Variants in HEBP1 observed in about 807,000 individuals in gnomAD.
HEBP1 encodes the protein heme-binding protein 1.
In HEBP1, 13 loss-of-function variants were observed where a neutral mutation model predicts 20.4. The observed-to-expected ratio is 0.64, with a 90% CI of 0.42 to 1.01. The LOEUF (loss-of-function observed/expected upper bound fraction) is 1.01. Among genes scored for constraint, HEBP1 ranks in the 50% least tolerant of loss-of-function variants. HEBP1 has a pLI of 0.00. For missense variants in HEBP1, 241 were observed against 247.3 expected (o/e 0.97, Z 0.17); for synonymous variants, 92 against 90.7 (o/e 1.01, Z -0.08).
chr12:12,975,136 G>T lies in HEBP1; in HGVS notation c.*172C>A. 1.7e-6 allele frequency: 1 copy of T among 572,284 alleles called. No homozygotes were observed. The highest frequency in any genetic ancestry group is 3.1e-6 in the Non-Finnish European group (1 of 326,102). The allele number at this position is 572,284 out of a possible 1,614,324, so 35.5% of individuals were successfully genotyped here. A position where few individuals can be genotyped will look rare whatever the true frequency, so the allele number is the denominator to read the frequency against. ...TATTATTTCCTACTGTGAGAAAAGA[G>T]ACTTAGTATATGGAACATGCTTTTT... On this transcript the variant is annotated 3_prime_UTR_variant, in exon 4 of 4. Coordinates refer to ENST00000014930, the MANE Select transcript of HEBP1 (RefSeq NM_015987.5).
Position 12,989,294 on chromosome 12 carries a change from C to T in HEBP1, c.200G>A (p.Gly67Glu). 1 of 1,614,128 alleles carries T rather than the reference C, an allele frequency of 6.2e-7. No individual in the cohort carries two copies. Among genetic ancestry groups the T allele is most frequent in the Non-Finnish European group, 8.5e-7 (1 of 1,180,026 alleles). Residue 67 changes from glycine to glutamate, a missense_variant, in exon 2 of 4, where the codon GGG becomes GAG. Physicochemically the swap from Gly to Glu is moderately conservative, Grantham distance 98. Transcript: ENST00000014930. ...GTACTCACCCTTGTCATTGGTGCCCCCCGCATACTTTGCGACCTTGGGCAT... is the reference window on the plus strand; with the variant it reads ...GTACTCACCCTTGTCATTGGTGCCCTCCGCATACTTTGCGACCTTGGGCAT... ...EAMPKVAKYA[G>E]GTNDKGIGMG... is the part of the protein sequence containing the mutation.
intron 1 of HEBP1, among the ~76,000 whole-genome samples, chr12:12,993,166 C>G (rs958580105): frequency 1.1e-5 from 1 of 90,740 alleles, no homozygotes; most frequent in Non-Finnish European, 1.9e-5. Flanking sequence ...TTCCTTCCTT[C>G]CTCTCTCTCT....
chr12:12,983,132 G>A lies in HEBP1; in HGVS notation c.398+4020C>T, dbSNP rs118112843. The stretch of plus-strand genomic sequence containing the variant: ...TATATCTAGACATTTCATTTAAACC[G>A]TGAAAGTTTCATTAAGACCATCAAA... On this transcript the variant is annotated intron_variant, in intron 3 of 3. Transcript: ENST00000014930. 2.6e-3 allele frequency among the ~76,000 whole-genome samples: 400 copies of A among 152,220 alleles called. 2 individuals are homozygous for A. Among genetic ancestry groups the A allele is most frequent in the Non-Finnish European group, 3.6e-3 (243 of 68,026 alleles).
In HEBP1 at chr12:12,975,337, G is replaced by A. The variant is rs776853471; in HGVS notation, c.541C>T (p.Arg181Cys). Residue 181 changes from arginine (R) to cysteine (C), a missense_variant, in exon 4 of 4, where the codon CGC (arginine) becomes TGC (cysteine). Arg to Cys is a radical substitution (Grantham distance 180, BLOSUM62 -3). Transcript: ENST00000014930. ...YDPPMKPYGR[R>C]NEIWLLKT ...GTCTTCAACAGCCAGATCTCATTGC[G>A]CCGTCCGTAGGGCTTCATGGGAGGG... The A allele has an allele frequency of 8.7e-6, 14 of 1,613,814 alleles. No homozygotes were observed. The Admixed American group carries it at 1.2e-4, about 13-fold the overall frequency.
At position 12,975,148 on chromosome 12, in the gene HEBP1, G is replaced by T; in HGVS notation, c.*160C>A. 2 of 628,880 alleles carry T rather than the reference G, an allele frequency of 3.2e-6. No individual in the cohort carries two copies. Among genetic ancestry groups the T allele is most frequent in the Non-Finnish European group, 2.8e-6 (1 of 359,078 alleles). The allele number at this position is 628,880 out of a possible 1,614,324, so 39.0% of individuals were successfully genotyped here. Reference sequence around the variant, plus strand: ...CTGTGAGAAAAGAGACTTAGTATATGGAACATGCTTTTTTCAGAAAATTGG... The same window carrying T: ...CTGTGAGAAAAGAGACTTAGTATATTGAACATGCTTTTTTCAGAAAATTGG... On this transcript the variant is annotated 3_prime_UTR_variant, in exon 4 of 4. Transcript: ENST00000014930.
In HEBP1 at chr12:12,998,773, G is replaced by A. The variant is rs934280904; in HGVS notation, c.78+1264C>T. ...CGTATTGGGAGCTCTGTATACAGCT[G>A]CACTGTTTAAACTACCTGTCCACCA... On this transcript the variant is annotated intron_variant, in intron 1 of 3. Transcript: ENST00000014930. This position sits in a 1 kb window ranked among gnomAD's most constrained non-coding sequence, Gnocchi z 4.2. Among the ~76,000 whole-genome samples, 17 of 152,210 alleles carry A rather than the reference G, an allele frequency of 1.1e-4. No homozygotes were observed. Among genetic ancestry groups the A allele is most frequent in the Admixed American group, 1.1e-3 (17 of 15,276 alleles).
rs775966688 is a variant in HEBP1, at chr12:12,975,394, G to T, written c.484C>A (p.Arg162=). Residue 162 remains arginine, a synonymous_variant, in exon 4 of 4, where the codon CGG becomes AGG. Coordinates refer to ENST00000014930, the MANE Select transcript of HEBP1 (RefSeq NM_015987.5). ...RAALEGTATY[R]GDIYFCTGYD... ...CCCGTGCAGAAGTAGATGTCCCCCC[G>T]GTAGGTGGCTGTGCCCTCCAGGGCA... 6.2e-7 allele frequency: 1 copy of T among 1,613,796 alleles called. No individual in the cohort carries two copies. The highest frequency in any genetic ancestry group is 8.5e-7 in the Non-Finnish European group (1 of 1,179,822).
intron 2 of HEBP1, among the ~76,000 whole-genome samples, chr12:12,987,861 T>C (rs539827778): frequency 1.3e-5 from 2 of 152,228 alleles, no homozygotes; most frequent in African/African-American, 4.8e-5. Flanking sequence ...CGTCTTAAAC[T>C]CCTACCTCAA....
At position 13,000,213 on chromosome 12, in the gene HEBP1, G is replaced by C. The variant is rs1864338257; in HGVS notation, c.-99C>G. 1 of 392,244 alleles carries C rather than the reference G, an allele frequency of 2.5e-6. No homozygotes were observed. The highest frequency in any genetic ancestry group is 4.6e-6 in the Non-Finnish European group (1 of 218,014). The allele number at this position is 392,244 out of a possible 1,614,324, so 24.3% of individuals were successfully genotyped here. ...CCACCGGCGGCAGGGCGGCAGGGCG[G>C]CAGGGCGGCAGGGCGGCAGGGTGGC... On this transcript the variant is annotated 5_prime_UTR_variant, in exon 1 of 4. Transcript: ENST00000014930.
chr12:12,980,399 C>T (rs704227), intron 3 of HEBP1: 72,699 of 152,076 alleles, frequency 0.48, 19,326 homozygotes, highest in South Asian at 0.63. Flanking sequence ...AAGGTACATC[C>T]AGAATGTTCT....
At chr12:12,995,097 G>A (rs1341810931) in intron 1 of HEBP1, among the ~76,000 whole-genome samples, 1 of 152,124 alleles carries the variant, frequency 6.6e-6, no homozygotes, top group Non-Finnish European at 1.5e-5. Flanking sequence ...CTCTGTGTCT[G>A]CTGCTCCCTC....
chr12:12,982,908 A>G (rs1864104931), intron 3 of HEBP1, among the ~76,000 whole-genome samples: 1 of 152,188 alleles, frequency 6.6e-6, no homozygotes, highest in Non-Finnish European at 1.5e-5. Flanking sequence ...TCTAGGATTG[A>G]GTAGGTATTT....
At chr12:12,992,262 G>A (rs911830776) in intron 1 of HEBP1, among the ~76,000 whole-genome samples, 5 of 152,140 alleles carry the variant, frequency 3.3e-5, no homozygotes, top group Non-Finnish European at 5.9e-5. Flanking sequence ...GGAGTGCAGT[G>A]GTGTGATCTC....
chr12:12,975,062 A>G lies in HEBP1; in HGVS notation c.*246T>C. On this transcript the variant is annotated 3_prime_UTR_variant, in exon 4 of 4. Coordinates refer to ENST00000014930, the MANE Select transcript of HEBP1 (RefSeq NM_015987.5). ...AAAGCTGCCAGGATTTTTCTGGTCT[A>G]TCGCAGAATTTTCTACATCAATGAG... 2.9e-6 allele frequency: 1 copy of G among 350,068 alleles called. No homozygotes were observed. Among genetic ancestry groups the G allele is most frequent in the East Asian group, 5.8e-5 (1 of 17,236 alleles). The allele number at this position is 350,068 out of a possible 1,614,324, so 21.7% of individuals were successfully genotyped here.
intron 1 of HEBP1, among the ~76,000 whole-genome samples, chr12:12,994,028 G>T (rs961181305): frequency 2.0e-5 from 3 of 152,152 alleles, no homozygotes; most frequent in African/African-American, 7.2e-5. Context: ...AAACATTGTC[G>T]AAAACCTTTG....
chr12:12,987,291 A>G lies in HEBP1; in HGVS notation c.259T>C (p.Phe87Leu). 6.2e-7 allele frequency: 1 copy of G among 1,614,128 alleles called. No homozygotes were observed. The highest frequency in any genetic ancestry group is 8.5e-7 in the Non-Finnish European group (1 of 1,179,992). Residue 87 changes from phenylalanine to leucine, a missense_variant, in exon 3 of 4, where the codon TTC becomes CTC. By Grantham distance (22) the Phe-to-Leu change is conservative. Transcript: ENST00000014930. ...GMTVPISFAV[F>L]PNEDGSLQKK... Reference sequence around the variant, plus strand: ...TGCAGAGAGCCATCTTCATTGGGGAACACAGCAAAGGAAATAGGGACTGTC... The same window carrying G: ...TGCAGAGAGCCATCTTCATTGGGGAGCACAGCAAAGGAAATAGGGACTGTC...
chr12:12,988,008 T>C (rs1020104320), intron 2 of HEBP1, among the ~76,000 whole-genome samples: 1 of 152,148 alleles, frequency 6.6e-6, no homozygotes, highest in African/African-American at 2.4e-5. Context: ...AGATATTCAT[T>C]ACAGCAGAAT....
intron 1 of HEBP1, among the ~76,000 whole-genome samples, chr12:12,990,703 A>G (rs1163317245): frequency 2.0e-5 from 3 of 152,214 alleles, no homozygotes; most frequent in African/African-American, 7.2e-5. Flanking sequence ...ACTTTGCAGG[A>G]CTAACAAATT....
At chr12:12,991,137 T>C (rs1251319659) in intron 1 of HEBP1, among the ~76,000 whole-genome samples, 1 of 152,208 alleles carries the variant, frequency 6.6e-6, no homozygotes, top group South Asian at 2.1e-4. Context: ...TCCATTACAA[T>C]TCCCCTGTCT....
Sources: gnomAD v4.1 joint callset for allele counts (sites outside exome capture counted in the v4.1 genomes callset) on GRCh38, gnomAD v4.1.1 for gene constraint, Gnocchi (gnomAD v3.1) non-coding constraint, MANE v1.5 for transcripts, NCBI Gene and HGNC (gene_info 2026-07-23, HGNC 2026-07-21) for gene names.